Variants in MAGI2 observed in about 807,000 individuals in gnomAD.
The protein encoded by MAGI2 is membrane associated guanylate kinase, WW and PDZ domain containing 2.
A neutral mutation model predicts 133.3 loss-of-function variants in MAGI2; 35 were observed. The observed-to-expected ratio is 0.26, with a 90% CI of 0.20 to 0.35. The LOEUF is 0.35. Among genes scored for constraint, MAGI2 ranks in the 10% least tolerant of loss-of-function variants. The pLI, the probability that MAGI2 is intolerant of heterozygous loss-of-function variation, is 1.00. For synonymous variants in MAGI2, 729 were observed against 710.6 expected (o/e 1.03, Z -0.41); for missense variants, 1,636 against 1,863.4 (o/e 0.88, Z 2.25).
chr7:78,968,989 C>T (rs1026225789), intron 2 of MAGI2, among the ~76,000 whole-genome samples: 4 of 152,002 alleles, frequency 2.6e-5, no homozygotes, highest in Admixed American at 2.0e-4. Context: ...ATAAAGCAGC[C>T]TGAAAAGTCT....
intron 2 of MAGI2, among the ~76,000 whole-genome samples, chr7:78,949,748 A>G (rs919225280): frequency 6.6e-6 from 1 of 152,184 alleles, no homozygotes. Context: ...CCATCCAGAA[A>G]TAAACACTGA....
Position 79,242,436 on chromosome 7 carries a change from TA to T in MAGI2, c.301+210583del, listed in dbSNP as rs145360484. ...TTATACTTTTCCCTACTTGATATAT[TA>T]GTGAGAATATTAATTATCACCTCAT... On this transcript the variant is annotated intron_variant, in intron 1 of 21. Coordinates refer to ENST00000354212, the MANE Select transcript of MAGI2 (RefSeq NM_012301.4). Among the ~76,000 whole-genome samples, 59 of 152,344 alleles carry T rather than the reference TA, an allele frequency of 3.9e-4. No individual in the cohort carries two copies. In the East Asian group the frequency reaches 0.011, roughly 28 times the overall value.
intron 3 of MAGI2, among the ~76,000 whole-genome samples, chr7:78,544,322 T>C (rs994722344): frequency 6.6e-6 from 1 of 152,258 alleles, no homozygotes. Context: ...TGGATAGTTC[T>C]AGACAGGAGT....
At chr7:78,382,632 G>T (rs1396119704) in intron 6 of MAGI2, among the ~76,000 whole-genome samples, 1 of 152,026 alleles carries the variant, frequency 6.6e-6, no homozygotes, top group Non-Finnish European at 1.5e-5. Flanking sequence ...CAGGGTATTA[G>T]GGTGTCTACC....
At chr7:79,149,828 CA>C (rs1322270126) in intron 1 of MAGI2, among the ~76,000 whole-genome samples, 2 of 151,822 alleles carry the variant, frequency 1.3e-5, no homozygotes, top group African/African-American at 2.4e-5. Flanking sequence ...AGTAACTTAA[CA>C]AAAAAAGTAT....
intron 2 of MAGI2, among the ~76,000 whole-genome samples, chr7:78,882,086 CAAAAAA>C (rs771918590): frequency 1.0e-3 from 13 of 12,468 alleles, no homozygotes; most frequent in African/African-American, 2.7e-3. Context: ...ACAACAACAA[CAAAAAA>C]AAAAAAAAAA....
intron 2 of MAGI2, among the ~76,000 whole-genome samples, chr7:78,758,688 C>G (rs1466289988): frequency 6.6e-6 from 1 of 152,154 alleles, no homozygotes; most frequent in African/African-American, 2.4e-5. Flanking sequence ...TACACATTGC[C>G]TCATATCTGT....
In MAGI2 at chr7:79,294,460, C is replaced by G. The variant is rs1030274471; in HGVS notation, c.301+158560G>C. Among the ~76,000 whole-genome samples, 9 of 152,004 alleles carry G rather than the reference C, an allele frequency of 5.9e-5. No homozygotes were observed. In the East Asian group the frequency reaches 1.6e-3, roughly 26 times the overall value. ...ATGGAACAGGGGAAGCCAGGCTCCT[C>G]CCCAATGCAAACAGCACAAACTTTC... is the stretch of plus-strand genomic sequence containing the variant. On this transcript the variant is annotated intron_variant, in intron 1 of 21. Coordinates refer to ENST00000354212, the MANE Select transcript of MAGI2 (RefSeq NM_012301.4).
At chr7:79,318,140 C>T (rs1294496807) in intron 1 of MAGI2, among the ~76,000 whole-genome samples, 1 of 152,124 alleles carries the variant, frequency 6.6e-6, no homozygotes, top group Non-Finnish European at 1.5e-5. Context: ...ATCATCTATA[C>T]ACTGAGGAAA....
intron 9 of MAGI2, among the ~76,000 whole-genome samples, chr7:78,295,740 TC>T (rs1184763934): frequency 2.0e-5 from 3 of 152,116 alleles, no homozygotes; most frequent in African/African-American, 4.8e-5. Context: ...TCAGTAGCCC[TC>T]CCCTAAATAA....
At chr7:78,741,376 A>AACACACACACACAC (rs55784786) in intron 2 of MAGI2, among the ~76,000 whole-genome samples, 2 of 117,482 alleles carry the variant, frequency 1.7e-5, no homozygotes, top group African/African-American at 6.7e-5. Context: ...AAAAAGTTGA[A>AACACACACACACAC]ACACACACAC....
At chr7:78,546,518 A>G (rs1361737757) in intron 3 of MAGI2, among the ~76,000 whole-genome samples, 1 of 152,184 alleles carries the variant, frequency 6.6e-6, no homozygotes, top group East Asian at 1.9e-4. Context: ...AAAAATTCTA[A>G]ATTATAGCTT....
At chr7:79,033,692 A>G (rs908954939) in intron 1 of MAGI2, among the ~76,000 whole-genome samples, 1 of 152,186 alleles carries the variant, frequency 6.6e-6, no homozygotes, top group African/African-American at 2.4e-5. Context: ...GAAAAATTGT[A>G]GTGGATTCAT....
intron 2 of MAGI2, among the ~76,000 whole-genome samples, chr7:78,757,192 C>A (rs1233121426): frequency 6.6e-6 from 1 of 152,086 alleles, no homozygotes; most frequent in Admixed American, 6.6e-5. Context: ...AATGAATAGA[C>A]CACATTCCTG....
chr7:78,049,125 A>G (rs373379374), intron 21 of MAGI2, among the ~76,000 whole-genome samples: 2 of 146,674 alleles, frequency 1.4e-5, no homozygotes, highest in Admixed American at 1.4e-4. Flanking sequence ...AAAAAAAAAG[A>G]CTTCAAAATT....
chr7:78,858,456 T>A (rs1181706207), intron 2 of MAGI2, among the ~76,000 whole-genome samples: 1 of 152,240 alleles, frequency 6.6e-6, no homozygotes, highest in Non-Finnish European at 1.5e-5. Flanking sequence ...GTTGTGTCTT[T>A]GTTCTCATTG....
chr7:79,047,314 A>G (rs1025948998), intron 1 of MAGI2, among the ~76,000 whole-genome samples: 1 of 152,150 alleles, frequency 6.6e-6, no homozygotes, highest in Non-Finnish European at 1.5e-5. Flanking sequence ...ATAATGTGCT[A>G]AATTACTCTT....
intron 10 of MAGI2, among the ~76,000 whole-genome samples, chr7:78,236,242 T>C (rs67892759): frequency 0.29 from 44,417 of 151,992 alleles, 7,556 homozygotes; most frequent in Non-Finnish European, 0.37. Flanking sequence ...AGGAGGAAGA[T>C]AGACAAATTA....
intron 10 of MAGI2, among the ~76,000 whole-genome samples, chr7:78,218,260 A>G (rs1407239601): frequency 6.6e-6 from 1 of 152,372 alleles, no homozygotes; most frequent in Middle Eastern, 3.4e-3. Context: ...CTTCCAGCCA[A>G]TGGATTCTGC....
Sources: gnomAD v4.1 joint callset for allele counts (sites outside exome capture counted in the v4.1 genomes callset) on GRCh38, gnomAD v4.1.1 for gene constraint, MANE v1.5 for transcripts, NCBI Gene and HGNC (gene_info 2026-07-23, HGNC 2026-07-21) for gene names.